Variants in FGD6 observed in about 807,000 individuals in gnomAD.
FGD6 encodes FYVE, RhoGEF and PH domain containing 6.
A neutral mutation model predicts 149.4 loss-of-function variants in FGD6; 90 were observed. That is an observed-to-expected ratio of 0.60 (90% confidence interval 0.51 to 0.72). The LOEUF is 0.72. FGD6 is among the 30% of genes least tolerant of loss of function. The pLI, the probability that FGD6 is intolerant of heterozygous loss-of-function variation, is 0.00. For missense variants in FGD6, 1,437 were observed against 1,684.8 expected (o/e 0.85, Z 2.57); for synonymous variants, 527 against 584.0 (o/e 0.90, Z 1.41).
At position 95,078,914 on chromosome 12, in the gene FGD6, G is replaced by T. The variant is rs1001571280; in HGVS notation, c.*2606C>A. On this transcript the variant is annotated 3_prime_UTR_variant, in exon 21 of 21. Coordinates refer to ENST00000343958, the MANE Select transcript of FGD6 (RefSeq NM_018351.4). Reference sequence around the variant, plus strand: ...AATTAAAAGGAGATACCTGAAAAAGGGTTTGATGGAAGCACAGGCACACAT... The same window carrying T: ...AATTAAAAGGAGATACCTGAAAAAGTGTTTGATGGAAGCACAGGCACACAT... The T allele has an allele frequency of 1.3e-5, 2 of 152,038 alleles. No individual in the cohort carries two copies. The highest frequency in any genetic ancestry group is 2.9e-5 in the Non-Finnish European group (2 of 68,016). 9.4% of individuals were successfully genotyped at this position (152,038 alleles called of 1,614,324 possible).
At position 95,186,228 on chromosome 12, in the gene FGD6, C is replaced by CTTTTTTTTTTTTTTTT. The variant is rs1174763781; in HGVS notation, c.2442-13500_2442-13485dup. On this transcript the variant is annotated intron_variant, in intron 2 of 20. Coordinates refer to ENST00000343958, the MANE Select transcript of FGD6 (RefSeq NM_018351.4). The stretch of plus-strand genomic sequence containing the variant: ...TAAGAATGCTTCTTATATTCTTCTT[C>CTTTTTTTTTTTTTTTT]TTTTTTTTTTTTTTTTTTTTTTTTT... 1.3e-4 allele frequency among the ~76,000 whole-genome samples: 5 copies of CTTTTTTTTTTTTTTTT among 38,932 alleles called. 1 individual carries two copies. The highest frequency in any genetic ancestry group is 2.0e-4 in the Non-Finnish European group (4 of 20,198). The allele number at this position is 38,932 out of a possible 152,430, so 25.5% of individuals were successfully genotyped here.
At chr12:95,102,463 AAAAAC>A (rs1565896328) in intron 14 of FGD6, among the ~76,000 whole-genome samples, 12 of 142,066 alleles carry the variant, frequency 8.4e-5, no homozygotes, top group African/African-American at 2.4e-4. Flanking sequence ...AAAAAAAAAA[AAAAAC>A]ACAACAACAA....
rs2056714839 is a variant in FGD6, at chr12:95,209,828, T to C, written c.1456A>G (p.Ile486Val). The C allele has an allele frequency of 6.2e-7, 1 of 1,608,720 alleles. No homozygotes were observed. Among genetic ancestry groups the C allele is most frequent in the East Asian group, 2.2e-5 (1 of 44,876 alleles). ...SAPQMQKESV[I>V]KEENSLRIVP... ...ATTCGTAGAGAATTTTCCTCTTTTA[T>C]AACAGATTCCTTTTGCATTTGAGGG... The change falls in exon 2 of 21, where the codon ATA becomes GTA. Residue 486 changes from isoleucine (I) to valine (V), a missense_variant. Coordinates refer to ENST00000343958, the MANE Select transcript of FGD6 (RefSeq NM_018351.4).
chr12:95,078,958 G>C lies in FGD6; in HGVS notation c.*2562C>G, dbSNP rs1877581054. On this transcript the variant is annotated 3_prime_UTR_variant, in exon 21 of 21. Transcript: ENST00000343958. ...CACACATATCTGTATAATAAATATA[G>C]TATCCTTGGAATCTAGATACTACTT... 1 of 152,158 alleles carries C rather than the reference G, an allele frequency of 6.6e-6. No individual in the cohort carries two copies. Among genetic ancestry groups the C allele is most frequent in the African/African-American group, 2.4e-5 (1 of 41,434 alleles). The allele number at this position is 152,158 out of a possible 1,614,324, so 9.4% of individuals were successfully genotyped here. A position where few individuals can be genotyped will look rare whatever the true frequency, so the allele number is the denominator to read the frequency against.
intron 9 of FGD6, 82 bp from the exon 10 acceptor site, chr12:95,108,643 C>T (rs1420150240): frequency 6.7e-7 from 1 of 1,498,086 alleles, no homozygotes; most frequent in South Asian, 1.2e-5. Context: ...TTCCAGGGGA[C>T]AAGATAGCTA....
At chr12:95,181,871 G>A (rs1217348780) in intron 2 of FGD6, among the ~76,000 whole-genome samples, 4 of 151,164 alleles carry the variant, frequency 2.6e-5, no homozygotes, top group South Asian at 2.1e-4. Context: ...GGAGAATGGC[G>A]AGGCAGAGCT....
At chr12:95,143,682 T>C (rs561583194) in intron 5 of FGD6, among the ~76,000 whole-genome samples, 141 of 152,326 alleles carry the variant, frequency 9.3e-4, no homozygotes, top group African/African-American at 3.3e-3. Flanking sequence ...CACTCACATT[T>C]ACTAAGAGAA....
At chr12:95,145,665 G>T (rs1449298704) in intron 5 of FGD6, among the ~76,000 whole-genome samples, 1 of 152,012 alleles carries the variant, frequency 6.6e-6, no homozygotes, top group Admixed American at 6.6e-5. Context: ...TCCCATTGCA[G>T]TGGTCCCTAT....
chr12:95,092,348 G>A (rs141955853), intron 16 of FGD6, among the ~76,000 whole-genome samples: 27 of 152,188 alleles, frequency 1.8e-4, no homozygotes, highest in East Asian at 1.5e-3. Flanking sequence ...AACATTCCCC[G>A]TACTGAATAC....
chr12:95,109,569 A>AG (rs1878745264), intron 9 of FGD6, among the ~76,000 whole-genome samples: 1 of 21,518 alleles, frequency 4.6e-5, no homozygotes, highest in South Asian at 1.5e-3. Context: ...AAGGACTATT[A>AG]AAAAAAAGAG....
At position 95,209,373 on chromosome 12, in the gene FGD6, G is replaced by A. The variant is rs1789547967; in HGVS notation, c.1911C>T (p.Ile637=). The A allele has an allele frequency of 6.2e-7, 1 of 1,613,606 alleles. No homozygotes were observed. The highest frequency in any genetic ancestry group is 8.5e-7 in the Non-Finnish European group (1 of 1,179,702). Residue 637 remains isoleucine (I), a synonymous_variant, in exon 2 of 21, where the codon ATC becomes ATT. Transcript: ENST00000343958. The stretch of plus-strand genomic sequence containing the variant: ...TTTGAAAGTCACTCTTCATGAAACA[G>A]ATGGACAGTTTCATGCTGAGCAACT... ...FKKLLSMKLS[I]CFMKSDFQKF... is the part of the protein sequence containing the mutation.
chr12:95,179,540 C>T (rs551066061), intron 2 of FGD6, among the ~76,000 whole-genome samples: 2 of 152,150 alleles, frequency 1.3e-5, no homozygotes, highest in East Asian at 3.9e-4. Context: ...TAATCAGTAC[C>T]TTGAGGCTGC....
intron 14 of FGD6, among the ~76,000 whole-genome samples, chr12:95,103,844 T>C (rs1284699132): frequency 1.3e-5 from 2 of 152,168 alleles, no homozygotes; most frequent in Non-Finnish European, 2.9e-5. Flanking sequence ...CCCATAACAA[T>C]GGACTTAAAA....
chr12:95,169,625 C>T (rs144155351), intron 3 of FGD6, among the ~76,000 whole-genome samples: 40 of 152,072 alleles, frequency 2.6e-4, no homozygotes, highest in African/African-American at 7.2e-4. Flanking sequence ...TTCCTTTATA[C>T]GATGTATCAG....
intron 6 of FGD6, among the ~76,000 whole-genome samples, chr12:95,140,984 G>A (rs183143857): frequency 4.4e-4 from 67 of 152,268 alleles, no homozygotes; most frequent in Non-Finnish European, 6.9e-4. Flanking sequence ...CAGCACTTTA[G>A]GCAGAGGCAG....
intron 14 of FGD6, among the ~76,000 whole-genome samples, chr12:95,097,634 CAAAAAAAAAA>C (rs34057454): frequency 4.6e-5 from 2 of 43,390 alleles, no homozygotes; most frequent in East Asian, 9.5e-4. Context: ...GACTCTGTCT[CAAAAAAAAAA>C]AAAAAAAAAA....
At chr12:95,204,636 C>T (rs1407953926) in intron 2 of FGD6, among the ~76,000 whole-genome samples, 1 of 152,156 alleles carries the variant, frequency 6.6e-6, no homozygotes, top group African/African-American at 2.4e-5. Context: ...CCTCTGAGAT[C>T]CCAGGTGCTT....
chr12:95,107,193 A>G (rs1049712502), intron 12 of FGD6, among the ~76,000 whole-genome samples, 156 bp from the exon 13 acceptor site: 5 of 89,720 alleles, frequency 5.6e-5, no homozygotes, highest in Middle Eastern at 6.2e-3. Flanking sequence ...AGAACTACCC[A>G]GAATGTTTAT....
chr12:95,145,990 T>C (rs910666598), intron 5 of FGD6, among the ~76,000 whole-genome samples: 43 of 152,158 alleles, frequency 2.8e-4, no homozygotes, highest in African/African-American at 9.7e-4. Flanking sequence ...GCCATTGTGA[T>C]AGTCCTGAAT....
Sources: gnomAD v4.1 joint callset for allele counts (sites outside exome capture counted in the v4.1 genomes callset) on GRCh38, gnomAD v4.1.1 for gene constraint, MANE v1.5 for transcripts, NCBI Gene and HGNC (gene_info 2026-07-23, HGNC 2026-07-21) for gene names.